TAF1B: variants seen among roughly 807,000 people sequenced by gnomAD.
TAF1B encodes TATA-box binding protein associated factor, RNA polymerase I subunit B.
TAF1B carries 61 observed loss-of-function variants against 83.9 expected under a neutral mutation model. The ratio of observed to expected loss-of-function variants is 0.73; its 90% CI spans 0.59 to 0.90. The LOEUF (loss-of-function observed/expected upper bound fraction) is 0.90. Ranked by LOEUF, TAF1B falls within the 40% of genes least tolerant of loss-of-function variation. TAF1B has a pLI of 0.00. For synonymous variants in TAF1B, 221 were observed against 224.6 expected, an observed-to-expected ratio of 0.98 and a Z score of 0.14; for missense variants, 625 against 677.0, an observed-to-expected ratio of 0.92 and a Z score of 0.85.
At chr2:9,854,158 A>G (rs1375678887) in intron 4 of TAF1B, among the ~76,000 whole-genome samples, 168 bp from the exon 5 acceptor site, 1 of 152,210 alleles carries the variant, frequency 6.6e-6, no homozygotes, top group Admixed American at 6.5e-5. Context: ...GATGCTACAT[A>G]CAGACCCCAG....
chr2:9,886,846 C>T (rs961251188), intron 8 of TAF1B, among the ~76,000 whole-genome samples: 13 of 152,288 alleles, frequency 8.5e-5, no homozygotes, highest in Admixed American at 2.0e-4. Flanking sequence ...GCAGGCGGAT[C>T]GCGAGGTCAG....
At chr2:9,845,813 T>C (rs974971264) in intron 2 of TAF1B, 2 of 268,834 alleles carry the variant, frequency 7.4e-6, no homozygotes, top group Admixed American at 1.0e-4. Context: ...GGAAACTCCG[T>C]CTCTACTAAA....
At chr2:9,928,766 T>C (rs1461293918) in intron 14 of TAF1B, among the ~76,000 whole-genome samples, 4 of 152,208 alleles carry the variant, frequency 2.6e-5, no homozygotes, top group Admixed American at 6.5e-5. Context: ...TGGGCTGAGA[T>C]GATGGGGTTT....
chr2:9,856,655 C>T (rs1246039178), intron 5 of TAF1B, among the ~76,000 whole-genome samples: 2 of 151,986 alleles, frequency 1.3e-5, no homozygotes, highest in Non-Finnish European at 2.9e-5. Flanking sequence ...TGCATCAGAA[C>T]CTGGGATTCT....
chr2:9,910,852 G>A lies in TAF1B; in HGVS notation c.1072G>A (p.Ala358Thr), dbSNP rs747384884. 6.2e-7 allele frequency: 1 copy of A among 1,613,570 alleles called. No homozygotes were observed. The highest frequency in any genetic ancestry group is 2.2e-5 in the East Asian group (1 of 44,852). ...MAKTVKYDVQ[A>T]VAIIVVVLKL... ...AAAAACTGTTAAGTACGATGTACAAGCTGTAGCTATCATTGTGGTGGTATT... is the reference window on the plus strand; with the variant it reads ...AAAAACTGTTAAGTACGATGTACAAACTGTAGCTATCATTGTGGTGGTATT... The change falls in exon 10 of 15, where the codon GCT becomes ACT. Residue 358 changes from alanine (A) to threonine (T), a missense_variant. Ala to Thr is a moderately conservative substitution (Grantham distance 58, BLOSUM62 0). Transcript: ENST00000263663.
intron 8 of TAF1B, among the ~76,000 whole-genome samples, chr2:9,902,019 G>A (rs371305): frequency 0.28 from 42,464 of 152,030 alleles, 6,916 homozygotes; most frequent in Middle Eastern, 0.4. Flanking sequence ...CTAAGGAAAT[G>A]TAAGAGTTTA....
intron 9 of TAF1B, among the ~76,000 whole-genome samples, chr2:9,908,741 TCCA>T (rs1665427440): frequency 6.6e-6 from 1 of 152,214 alleles, no homozygotes; most frequent in South Asian, 2.1e-4. Context: ...AGTATAATAG[TCCA>T]AATTCTCTGC....
chr2:9,912,473 T>C (rs1665562357), intron 11 of TAF1B, among the ~76,000 whole-genome samples: 1 of 152,230 alleles, frequency 6.6e-6, no homozygotes, highest in Non-Finnish European at 1.5e-5. Context: ...CAAAATAAAA[T>C]ACTACTTTCT....
intron 5 of TAF1B, among the ~76,000 whole-genome samples, chr2:9,861,307 A>G (rs561257454): frequency 1.3e-5 from 2 of 152,356 alleles, no homozygotes; most frequent in East Asian, 3.9e-4. Flanking sequence ...TATATCCCAC[A>G]CCTGGCTTGG....
At chr2:9,917,467 A>C (rs551022232) in intron 12 of TAF1B, among the ~76,000 whole-genome samples, 1 of 137,900 alleles carries the variant, frequency 7.3e-6, no homozygotes, top group African/African-American at 2.4e-5. Context: ...GTTCACAGAT[A>C]TTTCTTGAGT....
At chr2:9,852,915 G>C (rs1374903613) in intron 4 of TAF1B, among the ~76,000 whole-genome samples, 1 of 152,206 alleles carries the variant, frequency 6.6e-6, no homozygotes, top group Non-Finnish European at 1.5e-5. Flanking sequence ...AGTCCAAACA[G>C]AACAACCACG....
chr2:9,854,221 T>C (rs765908803), intron 4 of TAF1B, 105 bp from the exon 5 acceptor site: 78 of 771,470 alleles, frequency 1.0e-4, no homozygotes, highest in Non-Finnish European at 1.5e-4. Flanking sequence ...TGGAAATTTA[T>C]ATGTAAGTTA....
chr2:9,892,265 G>T (rs954943443), intron 8 of TAF1B, among the ~76,000 whole-genome samples: 1 of 152,178 alleles, frequency 6.6e-6, no homozygotes, highest in African/African-American at 2.4e-5. Context: ...TAGCCTAGGT[G>T]TGTACTGGGC....
At chr2:9,869,472 T>C (rs62127132) in intron 6 of TAF1B, among the ~76,000 whole-genome samples, 36,301 of 150,834 alleles carry the variant, frequency 0.24, 4,847 homozygotes, top group East Asian at 0.3. Flanking sequence ...ATCTGCCTGC[T>C]TCAGCCTCCC....
At chr2:9,925,622 C>T (rs1352033900) in intron 14 of TAF1B, among the ~76,000 whole-genome samples, 1 of 150,718 alleles carries the variant, frequency 6.6e-6, no homozygotes, top group Non-Finnish European at 1.5e-5. Context: ...CGTTCTGTCA[C>T]CCAGGCTAGA....
At chr2:9,884,174 A>G (rs920565173) in intron 8 of TAF1B, among the ~76,000 whole-genome samples, 2 of 152,302 alleles carry the variant, frequency 1.3e-5, no homozygotes, top group Non-Finnish European at 2.9e-5. Flanking sequence ...CTGCGACCGG[A>G]CCAGTCGCGC....
chr2:9,870,839 G>A (rs1230582380), intron 6 of TAF1B, among the ~76,000 whole-genome samples: 2 of 151,860 alleles, frequency 1.3e-5, no homozygotes, highest in African/African-American at 4.8e-5. Context: ...TACTTTTTCT[G>A]TATATCCTGT....
At chr2:9,909,778 TTAGA>T (rs1665467402) in intron 9 of TAF1B, among the ~76,000 whole-genome samples, 1 of 152,202 alleles carries the variant, frequency 6.6e-6, no homozygotes, top group African/African-American at 2.4e-5. Context: ...TATTCCTATT[TTAGA>T]TAGATTGTTT....
At chr2:9,925,821 C>T (rs1666018015) in intron 14 of TAF1B, among the ~76,000 whole-genome samples, 1 of 152,038 alleles carries the variant, frequency 6.6e-6, no homozygotes, top group African/African-American at 2.4e-5. Flanking sequence ...GTGATCTGCC[C>T]GCCTCGGCCT....
Sources: gnomAD v4.1 joint callset for allele counts (sites outside exome capture counted in the v4.1 genomes callset) on GRCh38, gnomAD v4.1.1 for gene constraint, MANE v1.5 for transcripts, NCBI Gene and HGNC (gene_info 2026-07-23, HGNC 2026-07-21) for gene names.